The following FGGY variants were observed in gnomAD, a reference collection of about 807,000 sequenced individuals.
FGGY encodes the protein FGGY carbohydrate kinase domain containing, also known as FGGY carbohydrate kinase domain-containing protein.
Under a neutral mutation model 71.3 loss-of-function variants are expected in FGGY, and 72 were observed. The observed-to-expected ratio is 1.01, with a 90% CI of 0.84 to 1.23. FGGY has a LOEUF of 1.23. FGGY is among the 50% of genes most tolerant of loss of function. The pLI, the probability that FGGY is intolerant of heterozygous loss-of-function variation, is 0.00. For missense variants in FGGY, 668 were observed against 682.3 expected (o/e 0.98, Z 0.23); for synonymous variants, 251 against 250.3 (o/e 1.00, Z -0.02).
intron 4 of FGGY, among the ~76,000 whole-genome samples, chr1:59,357,560 C>G (rs2054576190): frequency 6.6e-6 from 1 of 152,100 alleles, no homozygotes; most frequent in African/African-American, 2.4e-5. Context: ...TCCCTTGGAT[C>G]TTAATGAAGG....
intron 11 of FGGY, among the ~76,000 whole-genome samples, chr1:59,652,399 G>A (rs1207110679): frequency 4.0e-5 from 6 of 148,774 alleles, no homozygotes; most frequent in Non-Finnish European, 7.4e-5. Flanking sequence ...CCAATCAGAC[G>A]TAGATTTGGT....
At chr1:59,324,509 C>G (rs981276838) in intron 2 of FGGY, among the ~76,000 whole-genome samples, 2 of 151,850 alleles carry the variant, frequency 1.3e-5, no homozygotes, top group Admixed American at 6.5e-5. Flanking sequence ...ATCTCCTGAC[C>G]TCGTGATCCG....
At chr1:59,520,375 A>G (rs893366508) in intron 7 of FGGY, among the ~76,000 whole-genome samples, 1 of 152,186 alleles carries the variant, frequency 6.6e-6, no homozygotes, top group Non-Finnish European at 1.5e-5. Context: ...GCCACACGGG[A>G]CAACTTGGCC....
At chr1:59,532,668 A>G (rs2095180452) in intron 7 of FGGY, among the ~76,000 whole-genome samples, 1 of 152,324 alleles carries the variant, frequency 6.6e-6, no homozygotes, top group South Asian at 2.1e-4. Context: ...TATTTTGATT[A>G]AGGATATCAA....
chr1:59,569,025 A>G (rs1461154544), intron 8 of FGGY, among the ~76,000 whole-genome samples: 1 of 152,208 alleles, frequency 6.6e-6, no homozygotes, highest in Non-Finnish European at 1.5e-5. Flanking sequence ...TATGCATGGT[A>G]TGTAAAGAAG....
chr1:59,372,519 A>G (rs2057857749), intron 4 of FGGY, among the ~76,000 whole-genome samples: 1 of 152,210 alleles, frequency 6.6e-6, no homozygotes, highest in Non-Finnish European at 1.5e-5. Flanking sequence ...AAACTATTCC[A>G]ATCAATAGAA....
chr1:59,311,643 T>C (rs2044355989), intron 1 of FGGY, among the ~76,000 whole-genome samples: 2 of 152,232 alleles, frequency 1.3e-5, no homozygotes, highest in African/African-American at 4.8e-5. Context: ...AGTCTATCAT[T>C]GATAAGTATT....
At chr1:59,509,867 C>T (rs1476185150) in intron 6 of FGGY, among the ~76,000 whole-genome samples, 1 of 152,132 alleles carries the variant, frequency 6.6e-6, no homozygotes, top group African/African-American at 2.4e-5. Flanking sequence ...CCCCACCCTG[C>T]TAATCCTGTC....
chr1:59,588,437 C>G (rs1406912781), intron 8 of FGGY, among the ~76,000 whole-genome samples: 26 of 151,942 alleles, frequency 1.7e-4, no homozygotes, highest in Admixed American at 1.7e-3. Context: ...TCAGGAAATA[C>G]AGAGAACGCC....
At chr1:59,482,121 A>G (rs1344868193) in intron 6 of FGGY, among the ~76,000 whole-genome samples, 3 of 152,194 alleles carry the variant, frequency 2.0e-5, no homozygotes, top group Non-Finnish European at 2.9e-5. Flanking sequence ...TCTCTTGGGT[A>G]TACTAAGCTA....
At chr1:59,372,832 A>C (rs944002252) in intron 4 of FGGY, among the ~76,000 whole-genome samples, 4 of 151,958 alleles carry the variant, frequency 2.6e-5, no homozygotes, top group African/African-American at 9.7e-5. Context: ...CAATAGATGC[A>C]GAAAAGGCCT....
At chr1:59,543,008 G>A (rs2095468660) in intron 7 of FGGY, among the ~76,000 whole-genome samples, 1 of 152,178 alleles carries the variant, frequency 6.6e-6, no homozygotes, top group African/African-American at 2.4e-5. Flanking sequence ...AGGTGGAGAG[G>A]AGAGCTAAAT....
chr1:59,310,823 T>C (rs1376107590), intron 1 of FGGY, among the ~76,000 whole-genome samples: 1 of 152,258 alleles, frequency 6.6e-6, no homozygotes, highest in Non-Finnish European at 1.5e-5. Flanking sequence ...ATAGAAGGCT[T>C]GCTCATAATG....
At chr1:59,373,478 T>C (rs2058084234) in intron 4 of FGGY, among the ~76,000 whole-genome samples, 1 of 152,124 alleles carries the variant, frequency 6.6e-6, no homozygotes, top group South Asian at 2.1e-4. Context: ...ATGGCCATAC[T>C]GCCCAAGGTA....
intron 15 of FGGY, among the ~76,000 whole-genome samples, chr1:59,762,240 C>T (rs114218210): frequency 0.01 from 1,544 of 152,198 alleles, 15 homozygotes; most frequent in Middle Eastern, 0.017. Flanking sequence ...CAGGCGTCCA[C>T]CACCATGTCT....
chr1:59,340,428 G>A (rs913184421), intron 3 of FGGY, among the ~76,000 whole-genome samples: 12 of 152,174 alleles, frequency 7.9e-5, no homozygotes, highest in African/African-American at 2.7e-4. Context: ...CTTTGTATAC[G>A]ATATTCCTAT....
chr1:59,409,589 A>T (rs2063276973), intron 5 of FGGY, among the ~76,000 whole-genome samples: 1 of 132,042 alleles, frequency 7.6e-6, no homozygotes, highest in Non-Finnish European at 1.5e-5. Flanking sequence ...CCTGTGAAGG[A>T]AGAGTTTTTT....
At chr1:59,682,823 C>T (rs1408109226) in intron 14 of FGGY, among the ~76,000 whole-genome samples, 6 of 152,316 alleles carry the variant, frequency 3.9e-5, no homozygotes, top group South Asian at 4.1e-4. Context: ...GACTAGAGGG[C>T]AGTCTCTAAA....
intron 6 of FGGY, among the ~76,000 whole-genome samples, chr1:59,484,031 G>A (rs2093585489): frequency 6.6e-6 from 1 of 152,112 alleles, no homozygotes; most frequent in Non-Finnish European, 1.5e-5. Flanking sequence ...CATTGTACAT[G>A]AATTAGCAGG....
Sources: gnomAD v4.1 joint callset for allele counts (sites outside exome capture counted in the v4.1 genomes callset) on GRCh38, gnomAD v4.1.1 for gene constraint, MANE v1.5 for transcripts, NCBI Gene and HGNC (gene_info 2026-07-23, HGNC 2026-07-21) for gene names.